Variants in SRPK2 observed in about 807,000 individuals in gnomAD.
SRPK2 encodes SRSF protein kinase 2.
In SRPK2, 21 loss-of-function variants were observed where a neutral mutation model predicts 90.8. That is an observed-to-expected ratio of 0.23 (90% CI 0.16 to 0.33). SRPK2 has a LOEUF of 0.33. Among genes scored for constraint, SRPK2 ranks in the 10% least tolerant of loss-of-function variants. The pLI is 1.00. For missense variants in SRPK2, 620 were observed against 869.0 expected (o/e 0.71, Z 3.60); for synonymous variants, 288 against 311.1 (o/e 0.93, Z 0.78).
At chr7:105,350,055 T>C (rs559042609) in intron 2 of SRPK2, among the ~76,000 whole-genome samples, 1 of 150,914 alleles carries the variant, frequency 6.6e-6, no homozygotes, top group South Asian at 2.1e-4. Context: ...CCTGTCTTAA[T>C]ACAGCAGGCA....
intron 2 of SRPK2, among the ~76,000 whole-genome samples, chr7:105,308,588 T>C (rs1195967539): frequency 6.6e-6 from 1 of 152,168 alleles, no homozygotes; most frequent in African/African-American, 2.4e-5. Context: ...GTAGTACTAC[T>C]TTTCCAATTG....
At chr7:105,335,412 C>A (rs888131154) in intron 2 of SRPK2, among the ~76,000 whole-genome samples, 1 of 152,058 alleles carries the variant, frequency 6.6e-6, no homozygotes, top group African/African-American at 2.4e-5. Context: ...GTAATCCCAG[C>A]ACTTTGGGAG....
At chr7:105,166,606 A>G (rs779978659) in intron 6 of SRPK2, among the ~76,000 whole-genome samples, 4 of 152,218 alleles carry the variant, frequency 2.6e-5, no homozygotes, top group Non-Finnish European at 5.9e-5. Context: ...TCTCTTTCTT[A>G]TATGTTTGAA....
At chr7:105,199,579 T>C (rs1653396258) in intron 3 of SRPK2, among the ~76,000 whole-genome samples, 1 of 152,100 alleles carries the variant, frequency 6.6e-6, no homozygotes, top group Non-Finnish European at 1.5e-5. Flanking sequence ...GACTGGTGAT[T>C]CATACCATAC....
At chr7:105,155,871 T>C (rs1806419937) in intron 7 of SRPK2, among the ~76,000 whole-genome samples, 1 of 152,196 alleles carries the variant, frequency 6.6e-6, no homozygotes, top group Non-Finnish European at 1.5e-5. Flanking sequence ...GTGAGTACTT[T>C]CTCTAAACTA....
intron 3 of SRPK2, among the ~76,000 whole-genome samples, chr7:105,174,064 G>GT (rs1411522595): frequency 2.1e-5 from 3 of 145,924 alleles, no homozygotes; most frequent in Non-Finnish European, 4.5e-5. Flanking sequence ...GGGCAGTACA[G>GT]TGAGACCCTG....
At chr7:105,287,909 G>T (rs1808384978) in intron 2 of SRPK2, among the ~76,000 whole-genome samples, 1 of 152,116 alleles carries the variant, frequency 6.6e-6, no homozygotes, top group African/African-American at 2.4e-5. Context: ...ACCAAAGGAT[G>T]CCCCATTTAA....
At chr7:105,125,778 T>C (rs1182405363) in intron 15 of SRPK2, 1 of 1,253,672 alleles carries the variant, frequency 8.0e-7, no homozygotes, top group Non-Finnish European at 1.0e-6. Context: ...ATAAATACCG[T>C]TACCTTTTCT....
intron 2 of SRPK2, among the ~76,000 whole-genome samples, chr7:105,343,482 A>G (rs954240957): frequency 9.9e-5 from 15 of 152,198 alleles, no homozygotes; most frequent in African/African-American, 3.4e-4. Flanking sequence ...ACAGTACTTT[A>G]GCAGTAATGG....
intron 3 of SRPK2, among the ~76,000 whole-genome samples, chr7:105,190,772 C>CCT (rs1449024668): frequency 6.6e-6 from 1 of 152,216 alleles, no homozygotes; most frequent in Non-Finnish European, 1.5e-5. Context: ...TACTAAACCA[C>CCT]CTGCTTGCTG....
chr7:105,167,260 T>G (rs1446810971), intron 6 of SRPK2, 117 bp downstream of exon 6: 3 of 757,458 alleles, frequency 4.0e-6, no homozygotes, highest in African/African-American at 1.7e-5. Context: ...TACTTGACAA[T>G]GTTCCTAGAG....
At chr7:105,120,583 G>A (rs1444884889) in intron 15 of SRPK2, among the ~76,000 whole-genome samples, 1 of 151,750 alleles carries the variant, frequency 6.6e-6, no homozygotes, top group Non-Finnish European at 1.5e-5. Flanking sequence ...GTATATGCAG[G>A]AGAGTCCTAA....
At chr7:105,228,801 C>G (rs1215577264) in intron 2 of SRPK2, among the ~76,000 whole-genome samples, 1 of 152,226 alleles carries the variant, frequency 6.6e-6, no homozygotes, top group Non-Finnish European at 1.5e-5. Context: ...GCTGCGAGAG[C>G]TTGTTCCCGT....
chr7:105,290,647 C>T (rs889082044), intron 2 of SRPK2, among the ~76,000 whole-genome samples: 5 of 152,112 alleles, frequency 3.3e-5, no homozygotes, highest in African/African-American at 1.2e-4. Flanking sequence ...TTGGGTAACA[C>T]ACGCAGACTC....
At chr7:105,158,427 G>C (rs1047254477) in intron 7 of SRPK2, among the ~76,000 whole-genome samples, 3 of 152,194 alleles carry the variant, frequency 2.0e-5, no homozygotes, top group Non-Finnish European at 4.4e-5. Context: ...GCTAATTTTT[G>C]TGTTTTTAGT....
chr7:105,364,855 G>A, intron 2 of SRPK2, among the ~76,000 whole-genome samples: 1 of 152,116 alleles, frequency 6.6e-6, no homozygotes, highest in East Asian at 1.9e-4. Flanking sequence ...ACTTTAAAAG[G>A]CAATCTCTCA....
chr7:105,387,023 G>GA (rs964107083), intron 2 of SRPK2, among the ~76,000 whole-genome samples: 1 of 152,108 alleles, frequency 6.6e-6, no homozygotes, highest in African/African-American at 2.4e-5. Flanking sequence ...CGACCATTAG[G>GA]AAAATCATAC....
chr7:105,207,232 G>A (rs1796328493), intron 2 of SRPK2, among the ~76,000 whole-genome samples: 1 of 152,164 alleles, frequency 6.6e-6, no homozygotes, highest in Admixed American at 6.6e-5. Context: ...GAACTCCTGG[G>A]CTCAAAGAAT....
intron 7 of SRPK2, 45 bp from the exon 8 acceptor site, chr7:105,146,703 C>T: frequency 6.4e-7 from 1 of 1,560,502 alleles, no homozygotes; most frequent in Non-Finnish European, 8.8e-7. Context: ...ATTAATATCT[C>T]ATTATATAAC....
Sources: gnomAD v4.1 joint callset for allele counts (sites outside exome capture counted in the v4.1 genomes callset) on GRCh38, gnomAD v4.1.1 for gene constraint, MANE v1.5 for transcripts, NCBI Gene and HGNC (gene_info 2026-07-23, HGNC 2026-07-21) for gene names.